LRBA: variants seen among roughly 807,000 people sequenced by gnomAD.
The protein encoded by LRBA is lipopolysaccharide-responsive and beige-like anchor protein.
A neutral mutation model predicts 330.0 loss-of-function variants in LRBA; 176 were observed. The observed-to-expected ratio is 0.53, with a 90% CI of 0.47 to 0.60. The LOEUF (loss-of-function observed/expected upper bound fraction) is 0.60. Ranked by LOEUF, LRBA falls within the 20% of genes least tolerant of loss-of-function variation. The pLI is 0.00. For synonymous variants in LRBA, 1,230 were observed against 1,193.0 expected (o/e 1.03, Z -0.64); for missense variants, 3,259 against 3,444.8 (o/e 0.95, Z 1.35).
At chr4:150,980,381 GA>G (rs1271867993) in intron 2 of LRBA, among the ~76,000 whole-genome samples, 8 of 152,280 alleles carry the variant, frequency 5.3e-5, no homozygotes, top group African/African-American at 1.9e-4. Flanking sequence ...ACTGATGGGG[GA>G]AAAACTGAAA....
At chr4:150,945,654 T>G (rs1205812300) in intron 2 of LRBA, among the ~76,000 whole-genome samples, 5 of 152,206 alleles carry the variant, frequency 3.3e-5, no homozygotes, top group Non-Finnish European at 7.3e-5. Context: ...ATTAACATCA[T>G]ATATAATCAG....
chr4:151,001,011 G>A (rs1407213216), intron 2 of LRBA, among the ~76,000 whole-genome samples: 4 of 152,182 alleles, frequency 2.6e-5, no homozygotes, highest in Non-Finnish European at 5.9e-5. Flanking sequence ...GGACCTCATG[G>A]GCTCTGAAAC....
chr4:150,765,097 A>G (rs1017200109), intron 34 of LRBA, among the ~76,000 whole-genome samples: 11 of 151,610 alleles, frequency 7.3e-5, no homozygotes, highest in Admixed American at 1.3e-4. Flanking sequence ...AAAAAAAAAA[A>G]GAGCTATCAA....
intron 44 of LRBA, among the ~76,000 whole-genome samples, chr4:150,444,357 C>A (rs1380485023): frequency 6.6e-6 from 1 of 152,056 alleles, no homozygotes; most frequent in Non-Finnish European, 1.5e-5. Context: ...CTTCCTCCCC[C>A]ACCACTCTAG....
chr4:150,504,968 G>A (rs944816539), intron 40 of LRBA, among the ~76,000 whole-genome samples: 2 of 151,990 alleles, frequency 1.3e-5, no homozygotes, highest in Non-Finnish European at 2.9e-5. Flanking sequence ...AAAGATCAAA[G>A]GAGACAAAGA....
At chr4:150,377,724 G>T (rs982452527) in intron 47 of LRBA, among the ~76,000 whole-genome samples, 4 of 152,038 alleles carry the variant, frequency 2.6e-5, no homozygotes, top group African/African-American at 9.7e-5. Context: ...TAGGAGCCTG[G>T]AGTCTATCAT....
chr4:150,545,440 T>C (rs1256136594), intron 40 of LRBA, among the ~76,000 whole-genome samples: 1 of 152,264 alleles, frequency 6.6e-6, no homozygotes, highest in Non-Finnish European at 1.5e-5. Flanking sequence ...TTAATTCTTT[T>C]ATTTTACTTA....
chr4:150,398,350 C>T (rs1481285845), intron 47 of LRBA, among the ~76,000 whole-genome samples: 1 of 152,140 alleles, frequency 6.6e-6, no homozygotes, highest in Non-Finnish European at 1.5e-5. Flanking sequence ...AGGTAGATTT[C>T]ACGAGCTCAT....
chr4:150,972,233 C>G (rs541267985), intron 2 of LRBA, among the ~76,000 whole-genome samples: 1 of 152,060 alleles, frequency 6.6e-6, no homozygotes, highest in African/African-American at 2.4e-5. Context: ...AAAAAGTTAA[C>G]AAGGGTTTTA....
Position 150,831,982 on chromosome 4 carries a change from A to T in LRBA, c.4570-6T>A, listed in dbSNP as rs199536668. 1.6e-5 allele frequency: 23 copies of T among 1,430,818 alleles called. No homozygotes were observed. The highest frequency in any genetic ancestry group is 1.8e-4 in the Middle Eastern group (1 of 5,446). The allele number at this position is 1,430,818 out of a possible 1,614,324, so 88.6% of individuals were successfully genotyped here. On this transcript the variant is annotated splice_polypyrimidine_tract_variant and splice_region_variant and intron_variant, in intron 28 of 56. Coordinates refer to ENST00000651943, the MANE Select transcript of LRBA (RefSeq NM_001364905.1). ...TGAGCTTGTTTGCTATCCTCCTGGGAAAAAAAATTAAAGGAGTTGATTATG... is the reference window on the plus strand; with the variant it reads ...TGAGCTTGTTTGCTATCCTCCTGGGTAAAAAAATTAAAGGAGTTGATTATG...
chr4:150,286,719 A>G (rs1011910048), intron 53 of LRBA, among the ~76,000 whole-genome samples: 4 of 152,232 alleles, frequency 2.6e-5, no homozygotes, highest in Admixed American at 1.3e-4. Flanking sequence ...GAGGAGGAGT[A>G]TCCAAAAACT....
At chr4:150,563,443 T>C (rs1011080625) in intron 40 of LRBA, among the ~76,000 whole-genome samples, 2 of 152,116 alleles carry the variant, frequency 1.3e-5, no homozygotes, top group Non-Finnish European at 2.9e-5. Context: ...ATAGCCAATA[T>C]CATACTGAAT....
chr4:150,316,139 A>C (rs887802641), intron 50 of LRBA, among the ~76,000 whole-genome samples: 39 of 152,196 alleles, frequency 2.6e-4, no homozygotes, highest in Admixed American at 6.5e-4. Context: ...AAAAATAAAG[A>C]AAGCTATCCG....
At chr4:150,377,361 A>G (rs976669191) in intron 47 of LRBA, among the ~76,000 whole-genome samples, 1 of 152,240 alleles carries the variant, frequency 6.6e-6, no homozygotes, top group African/African-American at 2.4e-5. Context: ...CGTTTATGCA[A>G]TGCTTTGCAC....
chr4:150,502,527 T>C (rs1250486705), intron 40 of LRBA, among the ~76,000 whole-genome samples: 4 of 152,122 alleles, frequency 2.6e-5, no homozygotes, highest in African/African-American at 9.7e-5. Context: ...AACAAAACTC[T>C]CCTAGAAATG....
chr4:150,989,759 G>C (rs962711546), intron 2 of LRBA, among the ~76,000 whole-genome samples: 1 of 151,976 alleles, frequency 6.6e-6, no homozygotes, highest in East Asian at 1.9e-4. Context: ...AAATAAAAAA[G>C]GAAGACAATG....
At chr4:150,826,178 C>A (rs1265171062) in intron 30 of LRBA, among the ~76,000 whole-genome samples, 1 of 152,054 alleles carries the variant, frequency 6.6e-6, no homozygotes, top group Non-Finnish European at 1.5e-5. Flanking sequence ...TTAATGCCAG[C>A]AAAGGATGAT....
In LRBA at chr4:150,432,222, G is replaced by T. The variant is rs1750481025; in HGVS notation, c.7041+3367C>A. Among the ~76,000 whole-genome samples, 3 of 151,718 alleles carry T rather than the reference G, an allele frequency of 2.0e-5. No homozygotes were observed. The South Asian group carries it at 6.2e-4, about 31-fold the overall frequency. On this transcript the variant is annotated intron_variant, in intron 46 of 56. Transcript: ENST00000651943. ...TACAGAATGTATACTATATTAATCA[G>T]GCAAGGTATGCTTTAGGATCTACTC... is the stretch of plus-strand genomic sequence containing the variant.
At chr4:150,305,867 C>T (rs1730296024) in intron 52 of LRBA, among the ~76,000 whole-genome samples, 1 of 152,136 alleles carries the variant, frequency 6.6e-6, no homozygotes, top group Non-Finnish European at 1.5e-5. Context: ...TTCACTCCTC[C>T]TAAATAAATC....
Sources: allele counts gnomAD v4.1 joint callset (sites outside exome capture counted in the v4.1 genomes callset), GRCh38; gene constraint gnomAD v4.1.1; transcripts MANE v1.5; gene names NCBI Gene and HGNC (gene_info 2026-07-23, HGNC 2026-07-21).